KCNH1: variants seen among roughly 807,000 people sequenced by gnomAD.
The protein encoded by KCNH1 is potassium voltage-gated channel subfamily H member 1.
Under a neutral mutation model 69.2 loss-of-function variants are expected in KCNH1, and 27 were observed. The ratio of observed to expected loss-of-function variants is 0.39; its 90% CI spans 0.29 to 0.54. The LOEUF is 0.54. Ranked by LOEUF, KCNH1 falls within the 20% of genes least tolerant of loss-of-function variation. The pLI is 0.68. For synonymous variants in KCNH1, 456 were observed against 487.7 expected (o/e 0.93, Z 0.86); for missense variants, 798 against 1,261.6 (o/e 0.63, Z 5.57).
intron 6 of KCNH1, among the ~76,000 whole-genome samples, chr1:210,946,038 C>T (rs967539572): frequency 6.6e-6 from 1 of 152,204 alleles, no homozygotes; most frequent in Non-Finnish European, 1.5e-5. Flanking sequence ...GTATAGCAGG[C>T]TGTCAATAAA....
chr1:210,923,618 A>G (rs2102566759), intron 6 of KCNH1, among the ~76,000 whole-genome samples: 1 of 152,328 alleles, frequency 6.6e-6, no homozygotes, highest in Middle Eastern at 3.4e-3. Context: ...CCTGTTTTGC[A>G]TACTAGTGAT....
intron 6 of KCNH1, among the ~76,000 whole-genome samples, chr1:210,997,745 T>C (rs188443513): frequency 6.6e-6 from 1 of 152,182 alleles, no homozygotes; most frequent in African/African-American, 2.4e-5. Context: ...GGAAAAAATG[T>C]TAAGGGCAGC....
intron 10 of KCNH1, among the ~76,000 whole-genome samples, chr1:210,716,430 T>C (rs1281918260): frequency 2.1e-5 from 1 of 48,492 alleles, no homozygotes; most frequent in Admixed American, 2.4e-4. Context: ...AGACTCCGTC[T>C]CAAAAAAAAA....
chr1:210,966,863 TGG>T (rs1185716819), intron 6 of KCNH1, among the ~76,000 whole-genome samples: 1 of 152,194 alleles, frequency 6.6e-6, no homozygotes. Context: ...ATTCCATTAA[TGG>T]GTACATACCC....
intron 7 of KCNH1, chr1:210,861,749 G>T: frequency 1.3e-6 from 1 of 774,226 alleles, no homozygotes; most frequent in East Asian, 2.4e-5. Context: ...TGATCCTTTA[G>T]AACTGACAGA....
intron 5 of KCNH1, among the ~76,000 whole-genome samples, chr1:211,050,260 TAAAAAAAAAAAAAA>T (rs747498526): frequency 3.1e-4 from 18 of 58,578 alleles, no homozygotes; most frequent in East Asian, 1.2e-3. Context: ...CACACATTCT[TAAAAAAAAAAAAAA>T]AAAAAAAAAA....
intron 7 of KCNH1, among the ~76,000 whole-genome samples, chr1:210,886,006 G>A (rs1034092980): frequency 6.6e-6 from 1 of 152,212 alleles, no homozygotes; most frequent in Non-Finnish European, 1.5e-5. Context: ...TGGCTCAGAA[G>A]AGAGCAGCAG....
chr1:210,826,394 G>A (rs1295250497), intron 7 of KCNH1, among the ~76,000 whole-genome samples: 1 of 151,952 alleles, frequency 6.6e-6, no homozygotes, highest in Non-Finnish European at 1.5e-5. Flanking sequence ...GATTCCCTAT[G>A]GAATTAGTAA....
chr1:210,755,571 C>G (rs1683381372), intron 10 of KCNH1, among the ~76,000 whole-genome samples: 1 of 152,242 alleles, frequency 6.6e-6, no homozygotes. Flanking sequence ...GGGTTTTCTT[C>G]TAGCCCAGCT....
intron 7 of KCNH1, among the ~76,000 whole-genome samples, chr1:210,874,013 T>C (rs1686311415): frequency 1.3e-5 from 2 of 152,300 alleles, no homozygotes; most frequent in African/African-American, 4.8e-5. Context: ...GGGATTAATT[T>C]AGCCCTGCGC....
chr1:210,996,799 G>A (rs549078406), intron 6 of KCNH1, among the ~76,000 whole-genome samples: 9 of 152,330 alleles, frequency 5.9e-5, no homozygotes, highest in Admixed American at 4.6e-4. Context: ...CCAGAGGAAC[G>A]ATCAGGCAGC....
rs149455505 is a variant in KCNH1, at chr1:211,060,469, G to T, written c.558+22311C>A. 6.6e-3 allele frequency among the ~76,000 whole-genome samples: 894 copies of T among 136,444 alleles called. 12 individuals are homozygous for T. The highest frequency in any genetic ancestry group is 0.023 in the African/African-American group (848 of 36,696). 89.5% of individuals were successfully genotyped at this position (136,444 alleles called of 152,430 possible). On this transcript the variant is annotated intron_variant, in intron 5 of 10. Coordinates refer to ENST00000271751, the MANE Select transcript of KCNH1 (RefSeq NM_172362.3). ...CAAACCAAGCCTAAAATCAGTAGAAGAAATAATAAAGATCAGAATAGAAAT... is the reference window on the plus strand; with the variant it reads ...CAAACCAAGCCTAAAATCAGTAGAATAAATAATAAAGATCAGAATAGAAAT...
rs138707395 is a variant in KCNH1 at position 210,707,846 on chromosome 1, T to C, written c.2113-23708A>G. ...ACATAAAAGGAGGCCTCCCTGCCCT[T>C]CCTCCCTCCCAATTCATCTGAGATT... On this transcript the variant is annotated intron_variant, in intron 10 of 10. Coordinates refer to ENST00000271751, the MANE Select transcript of KCNH1 (RefSeq NM_172362.3). 7.3e-4 allele frequency among the ~76,000 whole-genome samples: 111 copies of C among 152,200 alleles called. 1 individual carries two copies. In the East Asian group the frequency reaches 0.017, roughly 23 times the overall value.
chr1:211,032,074 A>G (rs1689795912), intron 5 of KCNH1, among the ~76,000 whole-genome samples: 1 of 152,252 alleles, frequency 6.6e-6, no homozygotes, highest in Non-Finnish European at 1.5e-5. Flanking sequence ...CTCAGGATAC[A>G]AAATCAATGT....
chr1:210,684,246 G>A (rs1681355200), intron 10 of KCNH1, 108 bp from the exon 11 acceptor site: 2 of 1,196,358 alleles, frequency 1.7e-6, no homozygotes, highest in African/African-American at 1.5e-5. Flanking sequence ...CAGTCCACCT[G>A]CCACCAAGAG....
chr1:210,753,240 A>C (rs1683320479), intron 10 of KCNH1, among the ~76,000 whole-genome samples: 1 of 152,178 alleles, frequency 6.6e-6, no homozygotes, highest in Non-Finnish European at 1.5e-5. Context: ...TGGGAGGGAG[A>C]TATCACAGTA....
At chr1:210,863,205 A>G (rs917954803) in intron 7 of KCNH1, among the ~76,000 whole-genome samples, 9 of 152,200 alleles carry the variant, frequency 5.9e-5, no homozygotes, top group Non-Finnish European at 8.8e-5. Context: ...GAGCCTATCA[A>G]TGCACCCACC....
At chr1:210,769,093 T>C (rs550422359) in intron 10 of KCNH1, among the ~76,000 whole-genome samples, 5 of 152,290 alleles carry the variant, frequency 3.3e-5, no homozygotes, top group South Asian at 4.2e-4. Context: ...GAAGCCCACA[T>C]AGGAGGGATG....
chr1:210,713,063 C>T (rs1010813779), intron 10 of KCNH1, among the ~76,000 whole-genome samples: 1 of 152,186 alleles, frequency 6.6e-6, no homozygotes, highest in Non-Finnish European at 1.5e-5. Context: ...CTGGGGTTTG[C>T]TCCTGTGTTT....
Sources: allele counts gnomAD v4.1 joint callset (sites outside exome capture counted in the v4.1 genomes callset), GRCh38; gene constraint gnomAD v4.1.1; transcripts MANE v1.5; gene names NCBI Gene and HGNC (gene_info 2026-07-23, HGNC 2026-07-21).